Variants in TRPM3 observed in about 807,000 individuals in gnomAD.
The protein encoded by TRPM3 is transient receptor potential cation channel subfamily M member 3.
A neutral mutation model predicts 181.2 loss-of-function variants in TRPM3; 77 were observed. The ratio of observed to expected loss-of-function variants is 0.42; its 90% CI spans 0.35 to 0.51. The LOEUF is 0.51. Among genes scored for constraint, TRPM3 ranks in the 20% least tolerant of loss-of-function variants. TRPM3 has a pLI of 0.01. For missense variants in TRPM3, 1,759 were observed against 2,196.7 expected (o/e 0.80, Z 3.98); for synonymous variants, 745 against 796.4 (o/e 0.94, Z 1.09).
At chr9:70,598,318 T>G in intron 21 of TRPM3, 101 bp downstream of exon 21, 1 of 1,486,794 alleles carries the variant, frequency 6.7e-7, no homozygotes. Flanking sequence ...GCCATCTCAT[T>G]TAGACTTTGA....
chr9:70,770,923 G>GAGAT (rs2080127297), intron 7 of TRPM3, among the ~76,000 whole-genome samples: 1 of 152,192 alleles, frequency 6.6e-6, no homozygotes, highest in Non-Finnish European at 1.5e-5. Context: ...CCCTATGGGG[G>GAGAT]AGATAGATTT....
chr9:70,844,621 T>C (rs1430998363), intron 4 of TRPM3, among the ~76,000 whole-genome samples: 3 of 152,226 alleles, frequency 2.0e-5, no homozygotes, highest in Non-Finnish European at 4.4e-5. Flanking sequence ...CACAATTCTA[T>C]CAATACTTCT....
At chr9:70,752,151 T>G (rs188054594) in intron 8 of TRPM3, among the ~76,000 whole-genome samples, 1 of 152,152 alleles carries the variant, frequency 6.6e-6, no homozygotes, top group Admixed American at 6.5e-5. Context: ...TCTGGAGAAG[T>G]GTCACAAGGA....
At chr9:71,401,580 A>G (rs1208245103) in intron 1 of TRPM3, among the ~76,000 whole-genome samples, 1 of 152,232 alleles carries the variant, frequency 6.6e-6, no homozygotes, top group African/African-American at 2.4e-5. Flanking sequence ...TTGATGAGGT[A>G]GATGTCAAGA....
rs2067129730 is a variant in TRPM3, at chr9:71,096,029, T to C, written c.177+25149A>G. On this transcript the variant is annotated intron_variant, in intron 1 of 25. Transcript: ENST00000677713. The stretch of plus-strand genomic sequence containing the variant: ...GTGGAGACCACCTTGGCTTTATCCA[T>C]TTAAGGGTTAAACAAAGGTGTTTAT... Among the ~76,000 whole-genome samples, 3 of 152,122 alleles carry C rather than the reference T, an allele frequency of 2.0e-5. No individual in the cohort carries two copies. In the South Asian group the frequency reaches 6.2e-4, roughly 31 times the overall value.
At chr9:71,095,401 A>G (rs7034755) in intron 1 of TRPM3, among the ~76,000 whole-genome samples, 33,002 of 151,938 alleles carry the variant, frequency 0.22, 3,875 homozygotes, top group African/African-American at 0.29. Context: ...TCTATTTAAG[A>G]TCTTGCAGTT....
intron 1 of TRPM3, among the ~76,000 whole-genome samples, chr9:71,131,699 T>C (rs141694517): frequency 6.6e-4 from 101 of 152,264 alleles, no homozygotes; most frequent in African/African-American, 2.3e-3. Context: ...TCCAAAGCCT[T>C]AAAAAGTCTA....
At chr9:71,423,697 T>C (rs981521117) in intron 1 of TRPM3, among the ~76,000 whole-genome samples, 7 of 152,144 alleles carry the variant, frequency 4.6e-5, no homozygotes, top group Admixed American at 1.3e-4. Context: ...CACGTATATA[T>C]GTAGGTATAC....
intron 1 of TRPM3, among the ~76,000 whole-genome samples, chr9:71,018,973 A>T (rs1007313440): frequency 6.6e-6 from 1 of 151,976 alleles, no homozygotes; most frequent in African/African-American, 2.4e-5. Context: ...GGAGTGTAAG[A>T]ATGGTTTAAT....
At chr9:71,206,282 G>A (rs1232575790) in intron 1 of TRPM3, among the ~76,000 whole-genome samples, 5 of 152,126 alleles carry the variant, frequency 3.3e-5, no homozygotes, top group African/African-American at 4.8e-5. Flanking sequence ...TTTAGAGATC[G>A]CCGTTCTAAC....
intron 3 of TRPM3, among the ~76,000 whole-genome samples, chr9:70,860,025 A>T (rs959193173): frequency 1.3e-5 from 2 of 152,168 alleles, no homozygotes; most frequent in South Asian, 2.1e-4. Flanking sequence ...TGGCACCCCT[A>T]TGGAAATATT....
intron 1 of TRPM3, among the ~76,000 whole-genome samples, chr9:70,985,719 C>T (rs1400979656): frequency 1.3e-5 from 2 of 151,996 alleles, no homozygotes; most frequent in Non-Finnish European, 2.9e-5. Context: ...TAAAAATGAA[C>T]CAGATATAAT....
chr9:71,105,857 G>T (rs2069411696), intron 1 of TRPM3, among the ~76,000 whole-genome samples: 1 of 152,160 alleles, frequency 6.6e-6, no homozygotes. Context: ...TACCTTGGGT[G>T]GTAGTGATTG....
At chr9:70,539,871 G>A (rs2042820490) in intron 25 of TRPM3, among the ~76,000 whole-genome samples, 1 of 152,126 alleles carries the variant, frequency 6.6e-6, no homozygotes, top group Non-Finnish European at 1.5e-5. Context: ...ATTTCACTCT[G>A]TCACCCAGGC....
At chr9:70,791,240 T>G (rs1475781697) in intron 6 of TRPM3, among the ~76,000 whole-genome samples, 1 of 152,202 alleles carries the variant, frequency 6.6e-6, no homozygotes, top group Admixed American at 6.5e-5. Context: ...GCTATACATT[T>G]TTTTGCCATT....
intron 19 of TRPM3, among the ~76,000 whole-genome samples, chr9:70,608,173 C>A (rs1167088195): frequency 3.9e-5 from 6 of 152,216 alleles, no homozygotes; most frequent in Admixed American, 3.9e-4. Flanking sequence ...CATAAATCTT[C>A]CACCACGTGG....
Position 70,531,195 on chromosome 9 carries a change from T to C in TRPM3, c.*4758A>G, listed in dbSNP as rs368278445. ...TCACAGATGCACAACACCTAGACCT[T>C]GGCAGACCCAAGAGGTGTTGGCTTG... On this transcript the variant is annotated 3_prime_UTR_variant, in exon 26 of 26. Transcript: ENST00000677713. The C allele has an allele frequency of 6.6e-6, 1 of 152,220 alleles. No homozygotes were observed. The highest frequency in any genetic ancestry group is 1.5e-5 in the Non-Finnish European group (1 of 68,030). 9.4% of individuals were successfully genotyped at this position (152,220 alleles called of 1,614,324 possible).
intron 1 of TRPM3, among the ~76,000 whole-genome samples, chr9:71,285,840 C>T (rs1206416231): frequency 3.3e-5 from 5 of 152,168 alleles, no homozygotes; most frequent in Admixed American, 3.3e-4. Flanking sequence ...CTCCCCTTGA[C>T]CAATCACTCT....
At chr9:71,154,783 C>T (rs1477975606) in intron 1 of TRPM3, among the ~76,000 whole-genome samples, 2 of 152,138 alleles carry the variant, frequency 1.3e-5, no homozygotes, top group Non-Finnish European at 2.9e-5. Flanking sequence ...TTTTCCCAAC[C>T]AATTTGATCT....
Sources: allele counts gnomAD v4.1 joint callset (sites outside exome capture counted in the v4.1 genomes callset), GRCh38; gene constraint gnomAD v4.1.1; transcripts MANE v1.5; gene names NCBI Gene and HGNC (gene_info 2026-07-23, HGNC 2026-07-21).